NRXN1: variants seen among roughly 807,000 people sequenced by gnomAD.
NRXN1 encodes neurexin-1.
NRXN1 carries 39 observed loss-of-function variants against 150.9 expected under a neutral mutation model. The observed-to-expected ratio is 0.26, with a 90% CI of 0.20 to 0.34. The LOEUF is 0.34. Ranked by LOEUF, NRXN1 falls within the 10% of genes least tolerant of loss-of-function variation. The probability of loss-of-function intolerance (pLI) is 1.00; values close to 1 mark genes in which losing one functional copy is unlikely to be tolerated. For synonymous variants in NRXN1, 924 were observed against 757.0 expected (o/e 1.22, Z -3.62); for missense variants, 1,815 against 1,949.9 (o/e 0.93, Z 1.30).
At position 50,452,122 on chromosome 2, in the gene NRXN1, A is replaced by G. The variant is rs375026154; in HGVS notation, c.3364+13320T>C. Among the ~76,000 whole-genome samples, 201 of 152,360 alleles carry G rather than the reference A, an allele frequency of 1.3e-3. 5 individuals carry two copies. In the South Asian group the frequency reaches 0.04, roughly 30 times the overall value. Reference sequence around the variant, plus strand: ...TACATAAACATGAAAGAAAAAGAATAGGTGAAGTCTTTGCCCTGTGTCTCA... The same window carrying G: ...TACATAAACATGAAAGAAAAAGAATGGGTGAAGTCTTTGCCCTGTGTCTCA... On this transcript the variant is annotated intron_variant, in intron 17 of 22. Coordinates refer to ENST00000401669, the MANE Select transcript of NRXN1 (RefSeq NM_001330078.2).
At chr2:50,083,533 G>A (rs1298306046) in intron 19 of NRXN1, among the ~76,000 whole-genome samples, 1 of 152,196 alleles carries the variant, frequency 6.6e-6, no homozygotes, top group African/African-American at 2.4e-5. Flanking sequence ...CCCAAAGAGT[G>A]AGCAGCAGCA....
At chr2:50,899,206 G>A (rs1280682452) in intron 5 of NRXN1, among the ~76,000 whole-genome samples, 1 of 152,138 alleles carries the variant, frequency 6.6e-6, no homozygotes, top group East Asian at 1.9e-4. Context: ...TTAACCATCT[G>A]CAGCAAATCG....
intron 18 of NRXN1, among the ~76,000 whole-genome samples, chr2:50,225,510 T>C (rs1263681610): frequency 6.6e-6 from 1 of 151,802 alleles, no homozygotes; most frequent in African/African-American, 2.4e-5. Context: ...AAGAACAAAG[T>C]ATTATGATTG....
At position 50,134,159 on chromosome 2, in the gene NRXN1, A is replaced by C. The variant is rs138650215; in HGVS notation, c.3547-42665T>G. Among the ~76,000 whole-genome samples the C allele has an allele frequency of 2.9e-3, 442 of 152,182 alleles. 2 individuals are homozygous for C. Among genetic ancestry groups the C allele is most frequent in the African/African-American group, 0.01 (432 of 41,532 alleles). ...AGGGTAAGTCAATCAGTAAAGGAAT[A>C]TAACTATAGACATGCACTGTGTGAT... On this transcript the variant is annotated intron_variant, in intron 18 of 22. Transcript: ENST00000401669.
intron 21 of NRXN1, among the ~76,000 whole-genome samples, chr2:50,014,795 A>C (rs184748049): frequency 6.6e-6 from 1 of 152,240 alleles, no homozygotes; most frequent in Admixed American, 6.5e-5. Flanking sequence ...ATTGTCTATT[A>C]CATCCCCATA....
At chr2:50,713,211 G>A (rs1695413035) in intron 5 of NRXN1, among the ~76,000 whole-genome samples, 1 of 151,840 alleles carries the variant, frequency 6.6e-6, no homozygotes, top group African/African-American at 2.4e-5. Flanking sequence ...CTGCTTGTGA[G>A]GCTGAAGCAC....
Position 50,594,616 on chromosome 2 carries a change from A to G in NRXN1, c.1320+25406T>C, listed in dbSNP as rs191497620. Among the ~76,000 whole-genome samples the G allele has an allele frequency of 2.0e-5, 3 of 152,338 alleles. No homozygotes were observed. In the East Asian group the frequency reaches 5.8e-4, roughly 29 times the overall value. ...AGAGCTGAAGCTGAAGGGAAGGACT[A>G]AGAAATGTCTCTTTCTAAGGCCCAT... On this transcript the variant is annotated intron_variant, in intron 8 of 22. Coordinates refer to ENST00000401669, the MANE Select transcript of NRXN1 (RefSeq NM_001330078.2).
intron 5 of NRXN1, among the ~76,000 whole-genome samples, chr2:50,818,415 T>A (rs1335060776): frequency 1.3e-5 from 2 of 151,984 alleles, no homozygotes; most frequent in African/African-American, 4.8e-5. Context: ...AACTGTTTTA[T>A]TATTTTTGTT....
chr2:50,131,633 T>G (rs549531905), intron 18 of NRXN1, among the ~76,000 whole-genome samples: 5 of 152,214 alleles, frequency 3.3e-5, no homozygotes, highest in Non-Finnish European at 5.9e-5. Context: ...CAGAGCAGTT[T>G]TCATCTTCAA....
chr2:50,747,508 G>T (rs545300134), intron 5 of NRXN1, among the ~76,000 whole-genome samples: 18 of 152,034 alleles, frequency 1.2e-4, no homozygotes, highest in Non-Finnish European at 2.4e-4. Flanking sequence ...TCTTTCCCTG[G>T]TTTTCTTTTA....
At chr2:50,762,959 C>T (rs1701977330) in intron 5 of NRXN1, among the ~76,000 whole-genome samples, 1 of 151,980 alleles carries the variant, frequency 6.6e-6, no homozygotes, top group African/African-American at 2.4e-5. Flanking sequence ...ACAGTTGTTG[C>T]TCCTGGCTGA....
intron 5 of NRXN1, among the ~76,000 whole-genome samples, chr2:50,793,087 G>C (rs890111144): frequency 3.9e-5 from 6 of 152,070 alleles, no homozygotes; most frequent in African/African-American, 1.4e-4. Context: ...CCGAGTGTAA[G>C]TAATAGGATG....
At chr2:50,448,737 A>G (rs1044605825) in intron 17 of NRXN1, among the ~76,000 whole-genome samples, 2 of 152,178 alleles carry the variant, frequency 1.3e-5, no homozygotes, top group African/African-American at 4.8e-5. Flanking sequence ...GGAGTGGATT[A>G]TTACCGTTTC....
chr2:50,962,430 T>C (rs1467372091), intron 2 of NRXN1, among the ~76,000 whole-genome samples: 2 of 151,726 alleles, frequency 1.3e-5, no homozygotes, highest in African/African-American at 4.8e-5. Context: ...TCTTATAGAA[T>C]GCTTCATGGA....
chr2:50,887,220 A>G (rs772876954), intron 5 of NRXN1, among the ~76,000 whole-genome samples: 4 of 151,452 alleles, frequency 2.6e-5, no homozygotes, highest in Non-Finnish European at 3.0e-5. Flanking sequence ...CTGATGTTGA[A>G]AAAGAAAATT....
At chr2:50,241,532 TA>T (rs1391612881) in intron 17 of NRXN1, among the ~76,000 whole-genome samples, 1 of 151,812 alleles carries the variant, frequency 6.6e-6, no homozygotes, top group Non-Finnish European at 1.5e-5. Flanking sequence ...GACTGAAATT[TA>T]AAGTGGTTTT....
At chr2:50,049,006 C>T (rs182792922) in intron 21 of NRXN1, among the ~76,000 whole-genome samples, 31 of 152,076 alleles carry the variant, frequency 2.0e-4, no homozygotes, top group African/African-American at 7.2e-4. Flanking sequence ...GTTATGGATT[C>T]TAAAAACCAG....
At chr2:50,455,149 G>C (rs780534776) in intron 17 of NRXN1, among the ~76,000 whole-genome samples, 3 of 152,162 alleles carry the variant, frequency 2.0e-5, no homozygotes, top group Non-Finnish European at 4.4e-5. Flanking sequence ...AGATTGTGGA[G>C]GAACTTAAAT....
chr2:50,447,737 T>TTTTATATATATA (rs1208594855), intron 17 of NRXN1, among the ~76,000 whole-genome samples: 391 of 37,884 alleles, frequency 0.01, 48 homozygotes, highest in African/African-American at 0.027. Flanking sequence ...CAGGGGAACG[T>TTTTATATATATA]TATATATATA....
Sources: allele counts gnomAD v4.1 joint callset (sites outside exome capture counted in the v4.1 genomes callset), GRCh38; gene constraint gnomAD v4.1.1; transcripts MANE v1.5; gene names NCBI Gene and HGNC (gene_info 2026-07-23, HGNC 2026-07-21).